ATP6V1E1: variants seen among roughly 807,000 people sequenced by gnomAD.
ATP6V1E1 encodes V-type proton ATPase subunit E 1.
Under a neutral mutation model 35.2 loss-of-function variants are expected in ATP6V1E1, and 21 were observed. The observed-to-expected ratio is 0.60, with a 90% CI of 0.42 to 0.86. The LOEUF (loss-of-function observed/expected upper bound fraction) is 0.86, where lower values mean the gene tolerates loss of function less well. Among genes scored for constraint, ATP6V1E1 ranks in the 40% least tolerant of loss-of-function variants. The probability of loss-of-function intolerance (pLI) is 0.00; values close to 1 mark genes in which losing one functional copy is unlikely to be tolerated. For synonymous variants in ATP6V1E1, 83 were observed against 87.8 expected (o/e 0.95, Z 0.30); for missense variants, 183 against 272.6 (o/e 0.67, Z 2.32).
rs2057721340 is a variant in ATP6V1E1, at chr22:17,594,528, C to T, written c.618+1G>A. On this transcript the variant is annotated splice_donor_variant, in intron 8 of 8. Transcript: ENST00000253413. LOFTEE classifies it high-confidence loss of function. ...CTACCAAGAAGTACCCCCACACTCACCTGCTGGGCTATGAGATCCAGCCGG... is the reference window on the plus strand; with the variant it reads ...CTACCAAGAAGTACCCCCACACTCATCTGCTGGGCTATGAGATCCAGCCGG... The T allele has an allele frequency of 6.3e-7, 1 of 1,578,832 alleles. No individual in the cohort carries two copies. The highest frequency in any genetic ancestry group is 8.6e-7 in the Non-Finnish European group (1 of 1,162,312).
intron 1 of ATP6V1E1, among the ~76,000 whole-genome samples, chr22:17,627,603 G>C (rs2057920707): frequency 6.6e-6 from 1 of 151,124 alleles, no homozygotes; most frequent in African/African-American, 2.4e-5. Flanking sequence ...AAGATCACCT[G>C]AGGTCAGGAG....
chr22:17,606,472 A>G (rs549281884), intron 4 of ATP6V1E1, among the ~76,000 whole-genome samples: 1 of 141,116 alleles, frequency 7.1e-6, no homozygotes, highest in South Asian at 2.1e-4. Context: ...AGAAGTTAAG[A>G]CTGTAAGCGG....
intron 4 of ATP6V1E1, among the ~76,000 whole-genome samples, chr22:17,604,005 A>G (rs898351959): frequency 6.6e-6 from 1 of 152,234 alleles, no homozygotes; most frequent in Non-Finnish European, 1.5e-5. Context: ...TCTACTATGG[A>G]AAACAGGGAA....
At chr22:17,613,087 A>C in intron 3 of ATP6V1E1, 124 bp downstream of exon 3, 2 of 909,416 alleles carry the variant, frequency 2.2e-6, no homozygotes, top group South Asian at 1.5e-5. Flanking sequence ...GAAGTTAAAC[A>C]ATTTGTCAGA....
intron 4 of ATP6V1E1, among the ~76,000 whole-genome samples, chr22:17,606,693 C>T (rs1360760301): frequency 6.6e-6 from 1 of 152,192 alleles, no homozygotes; most frequent in Non-Finnish European, 1.5e-5. Flanking sequence ...CCTTCAGCTC[C>T]TCACCTCACA....
At chr22:17,624,895 G>C (rs1020795972) in intron 1 of ATP6V1E1, among the ~76,000 whole-genome samples, 4 of 152,130 alleles carry the variant, frequency 2.6e-5, no homozygotes, top group Non-Finnish European at 5.9e-5. Flanking sequence ...TCCTATGGAA[G>C]CCTTAGTCTT....
intron 2 of ATP6V1E1, among the ~76,000 whole-genome samples, chr22:17,617,137 G>A (rs1031419393): frequency 2.6e-5 from 4 of 151,798 alleles, no homozygotes; most frequent in Admixed American, 6.6e-5. Context: ...ATTAGTGAGA[G>A]GGAAAATAGT....
chr22:17,610,687 T>TATGCAGTAG (rs1490068875), intron 4 of ATP6V1E1, among the ~76,000 whole-genome samples: 1 of 152,244 alleles, frequency 6.6e-6, no homozygotes, highest in Non-Finnish European at 1.5e-5. Context: ...TAATAATATC[T>TATGCAGTAG]ATGCAGTAGA....
chr22:17,614,529 C>T (rs537335096), intron 2 of ATP6V1E1, among the ~76,000 whole-genome samples: 28 of 149,978 alleles, frequency 1.9e-4, no homozygotes, highest in African/African-American at 6.1e-4. Flanking sequence ...AAATTAGCCG[C>T]GCATGGTGGG....
intron 2 of ATP6V1E1, among the ~76,000 whole-genome samples, chr22:17,616,695 A>G (rs2057847161): frequency 6.6e-6 from 1 of 150,532 alleles, no homozygotes; most frequent in African/African-American, 2.4e-5. Flanking sequence ...AAAAAAAAAA[A>G]AAGAAATGCA....
At chr22:17,600,221 G>A (rs901278133) in intron 5 of ATP6V1E1, 126 bp from the exon 6 acceptor site, 25 of 784,704 alleles carry the variant, frequency 3.2e-5, no homozygotes, top group Non-Finnish European at 4.8e-5. Flanking sequence ...GATTGCCTGA[G>A]CTCAGAAGTT....
intron 4 of ATP6V1E1, among the ~76,000 whole-genome samples, chr22:17,603,095 G>A (rs773078859): frequency 6.6e-6 from 1 of 152,024 alleles, no homozygotes; most frequent in African/African-American, 2.4e-5. Flanking sequence ...TGTTACAGGC[G>A]TGCGCCACCT....
intron 4 of ATP6V1E1, among the ~76,000 whole-genome samples, chr22:17,601,558 G>A (rs541619396): frequency 2.0e-5 from 3 of 152,124 alleles, no homozygotes; most frequent in East Asian, 1.9e-4. Flanking sequence ...GCTATGGATC[G>A]AAATACGAAC....
At chr22:17,602,520 G>A (rs181941489) in intron 4 of ATP6V1E1, among the ~76,000 whole-genome samples, 39 of 152,096 alleles carry the variant, frequency 2.6e-4, no homozygotes, top group Non-Finnish European at 4.4e-4. Context: ...GACTACAGGC[G>A]CACGCCACCA....
At chr22:17,625,866 T>TAA (rs563941793) in intron 1 of ATP6V1E1, among the ~76,000 whole-genome samples, 72 of 139,698 alleles carry the variant, frequency 5.2e-4, no homozygotes, top group African/African-American at 1.9e-3. Context: ...GTATGGCACT[T>TAA]AAAAAAAAAA....
intron 7 of ATP6V1E1, among the ~76,000 whole-genome samples, chr22:17,596,475 C>G (rs1296824): frequency 6.6e-6 from 1 of 151,674 alleles, no homozygotes. Context: ...ATGCACACAC[C>G]CACTCCCCTT....
In ATP6V1E1 at chr22:17,600,059, G is replaced by A. The variant is rs775186565; in HGVS notation, c.403C>T (p.Arg135Cys). 62 of 1,613,704 alleles carry A rather than the reference G, an allele frequency of 3.8e-5. No homozygotes were observed. The highest frequency in any genetic ancestry group is 4.8e-5 in the Non-Finnish European group (57 of 1,179,878). Residue 135 changes from arginine to cysteine, a missense_variant, in exon 6 of 9, where the codon CGT becomes TGT. Arg to Cys is a radical substitution (Grantham distance 180). Transcript: ENST00000253413. ...AGAGGGAAATCTTGTTTCCTGCAAC[G>A]AACAATCATTCGGGGCTCCAGCAAC... ...YQLLEPRMIV[R>C]CRKQDFPLVK...
At chr22:17,627,987 T>G (rs540104910) in intron 1 of ATP6V1E1, among the ~76,000 whole-genome samples, 87 of 143,412 alleles carry the variant, frequency 6.1e-4, no homozygotes, top group Middle Eastern at 7.5e-3. Context: ...TGGTTTGTTT[T>G]TTTTTTTTCT....
chr22:17,621,245 C>T (rs1471027366), intron 1 of ATP6V1E1, among the ~76,000 whole-genome samples: 1 of 152,110 alleles, frequency 6.6e-6, no homozygotes, highest in Non-Finnish European at 1.5e-5. Context: ...TTCAAAATGC[C>T]TATCTTATCA....
Sources: gnomAD v4.1 joint callset for allele counts (sites outside exome capture counted in the v4.1 genomes callset) on GRCh38, gnomAD v4.1.1 for gene constraint, MANE v1.5 for transcripts, NCBI Gene and HGNC (gene_info 2026-07-23, HGNC 2026-07-21) for gene names.